The following LRRC8C variants were observed in gnomAD, a reference collection of about 807,000 sequenced individuals.
The protein encoded by LRRC8C is volume-regulated anion channel subunit LRRC8C.
LRRC8C carries 20 observed loss-of-function variants against 55.3 expected under a neutral mutation model. The ratio of observed to expected loss-of-function variants is 0.36; its 90% confidence interval spans 0.25 to 0.53. The LOEUF (loss-of-function observed/expected upper bound fraction) is 0.53. Ranked by LOEUF, LRRC8C falls within the 20% of genes least tolerant of loss-of-function variation. LRRC8C has a pLI of 0.92. For synonymous variants in LRRC8C, 376 were observed against 360.7 expected, an observed-to-expected ratio of 1.04 and a Z score of -0.48; for missense variants, 659 against 951.4, an observed-to-expected ratio of 0.69 and a Z score of 4.04.
intron 1 of LRRC8C, among the ~76,000 whole-genome samples, chr1:89,654,779 G>T (rs1656893394): frequency 6.6e-6 from 1 of 151,538 alleles, no homozygotes; most frequent in Non-Finnish European, 1.5e-5. Context: ...TCTATTTGCT[G>T]CCTCCTCCAA....
chr1:89,625,974 T>C, the LRRC8C span, among the ~76,000 whole-genome samples: 26 of 152,234 alleles, frequency 1.7e-4, no homozygotes, highest in Admixed American at 1.7e-3. Flanking sequence ...CTTTAGGAGA[T>C]ATTATTAATG....
chr1:89,695,329 T>G (rs1658145211), intron 2 of LRRC8C, among the ~76,000 whole-genome samples: 1 of 152,198 alleles, frequency 6.6e-6, no homozygotes. Flanking sequence ...AGTAATAGGG[T>G]CAGCTATCTT....
intron 2 of LRRC8C, chr1:89,706,275 TC>T (rs1402331940): frequency 4.4e-6 from 2 of 455,838 alleles, no homozygotes; most frequent in Admixed American, 4.7e-5. Context: ...TAAGCTGCCT[TC>T]GTTTATATGT....
rs1658877523 is a variant in LRRC8C at position 89,718,192 on chromosome 1, C to T, written c.*3210C>T. ...TCAAGTGTAAGTTATTCTTCACCCA[C>T]CCCTTCCCCTGCCATTGTATTTCCC... On this transcript the variant is annotated 3_prime_UTR_variant, in exon 3 of 3. Transcript: ENST00000370454. 6.6e-6 allele frequency: 1 copy of T among 152,182 alleles called. No homozygotes were observed. The highest frequency in any genetic ancestry group is 1.5e-5 in the Non-Finnish European group (1 of 68,016). The allele number at this position is 152,182 out of a possible 1,614,324, so 9.4% of individuals were successfully genotyped here.
chr1:89,640,647 C>T (rs977787680), intron 1 of LRRC8C, among the ~76,000 whole-genome samples: 1 of 152,178 alleles, frequency 6.6e-6, no homozygotes. Context: ...GTCCAGCACA[C>T]ATAACTTTCT....
In LRRC8C at chr1:89,713,716, T is replaced by A; in HGVS notation, c.1146T>A (p.Pro382=). Residue 382 remains proline (P), a synonymous_variant, in exon 3 of 3, where the codon CCT becomes CCA. Coordinates refer to ENST00000370454, the MANE Select transcript of LRRC8C (RefSeq NM_032270.5). The surrounding 1 kb of genome is among the most constrained non-coding windows in gnomAD (Gnocchi z 5.2). Reference sequence around the variant, plus strand: ...TTCATATGATAGATCAGTATGACCCTCTCTATTCCAAGAGATTTGCAGTGT... The same window carrying A: ...TTCATATGATAGATCAGTATGACCCACTCTATTCCAAGAGATTTGCAGTGT... ...FMLHMIDQYD[P]LYSKRFAVFL... 6.2e-7 allele frequency: 1 copy of A among 1,614,196 alleles called. No individual in the cohort carries two copies. Among genetic ancestry groups the A allele is most frequent in the South Asian group, 1.1e-5 (1 of 91,076 alleles).
chr1:89,625,081 A>C, the LRRC8C span: 1 of 152,230 alleles, frequency 6.6e-6, no homozygotes, highest in African/African-American at 2.4e-5. Context: ...TACTTCGGGA[A>C]GATACTGGCT....
chr1:89,670,732 CA>C (rs139800053), intron 1 of LRRC8C, among the ~76,000 whole-genome samples: 1,603 of 152,246 alleles, frequency 0.011, 44 homozygotes, highest in African/African-American at 0.037. Context: ...AGGAATTTAT[CA>C]AAAAAACTAT....
chr1:89,705,756 G>A (rs1658463551), intron 2 of LRRC8C, among the ~76,000 whole-genome samples: 1 of 152,054 alleles, frequency 6.6e-6, no homozygotes, highest in Non-Finnish European at 1.5e-5. Context: ...CCCCAGCCTG[G>A]CAACAGAGCA....
rs534383763 is a variant in LRRC8C at position 89,716,329 on chromosome 1, G to T, written c.*1347G>T. ...TCCCCATGATACCGAGGGATGACTG[G>T]ATATTAATCGATTTCCCTCAAGCCT... On this transcript the variant is annotated 3_prime_UTR_variant, in exon 3 of 3. Coordinates refer to ENST00000370454, the MANE Select transcript of LRRC8C (RefSeq NM_032270.5). The T allele has an allele frequency of 7.9e-4, 120 of 152,286 alleles. No homozygotes were observed. Among genetic ancestry groups the T allele is most frequent in the African/African-American group, 2.8e-3 (115 of 41,576 alleles). 9.4% of individuals were successfully genotyped at this position (152,286 alleles called of 1,614,324 possible).
At chr1:89,638,764 A>G (rs914019203) in intron 1 of LRRC8C, among the ~76,000 whole-genome samples, 2 of 152,014 alleles carry the variant, frequency 1.3e-5, no homozygotes, top group Non-Finnish European at 2.9e-5. Flanking sequence ...TTGTCTCTCA[A>G]AAGCCTCCCC....
chr1:89,658,872 A>G (rs1323394487), intron 1 of LRRC8C, among the ~76,000 whole-genome samples: 1 of 152,160 alleles, frequency 6.6e-6, no homozygotes, highest in African/African-American at 2.4e-5. Context: ...GAGGCTATAG[A>G]GCTAAAAGAT....
At chr1:89,699,431 G>A (rs1658261448) in intron 2 of LRRC8C, among the ~76,000 whole-genome samples, 1 of 152,224 alleles carries the variant, frequency 6.6e-6, no homozygotes, top group Non-Finnish European at 1.5e-5. Flanking sequence ...GTACCACTGT[G>A]GTTGAGCTTG....
chr1:89,625,749 C>T, the LRRC8C span, among the ~76,000 whole-genome samples: 2 of 152,168 alleles, frequency 1.3e-5, no homozygotes, highest in Non-Finnish European at 2.9e-5. Context: ...GATCTTCATG[C>T]CTCAAAGAGA....
chr1:89,643,559 A>C (rs1304314950), intron 1 of LRRC8C, among the ~76,000 whole-genome samples: 1 of 152,258 alleles, frequency 6.6e-6, no homozygotes, highest in Non-Finnish European at 1.5e-5. Flanking sequence ...ATATACAAAA[A>C]GTTGTGTTGC....
At chr1:89,704,850 T>C (rs1264868094) in intron 2 of LRRC8C, among the ~76,000 whole-genome samples, 1 of 152,116 alleles carries the variant, frequency 6.6e-6, no homozygotes, top group Non-Finnish European at 1.5e-5. Flanking sequence ...TCAACCATTG[T>C]GGAAGTCAGT....
chr1:89,712,647 G>A, intron 2 of LRRC8C, 62 bp from the exon 3 acceptor site: 2 of 1,221,570 alleles, frequency 1.6e-6, no homozygotes, highest in East Asian at 2.4e-5. Flanking sequence ...TTTCTTTGCA[G>A]TAATGACATT....
intron 1 of LRRC8C, among the ~76,000 whole-genome samples, chr1:89,636,255 T>A (rs1023188827): frequency 6.6e-6 from 1 of 152,210 alleles, no homozygotes; most frequent in African/African-American, 2.4e-5. Context: ...CACCAGTGTA[T>A]CCTAGCACTG....
chr1:89,674,789 T>C (rs574333195), intron 1 of LRRC8C, among the ~76,000 whole-genome samples: 1 of 152,330 alleles, frequency 6.6e-6, no homozygotes, highest in Non-Finnish European at 1.5e-5. Context: ...TCCCTGATTC[T>C]AGATGGTACA....
Sources: allele counts gnomAD v4.1 joint callset (sites outside exome capture counted in the v4.1 genomes callset), GRCh38; gene constraint gnomAD v4.1.1; non-coding constraint Gnocchi (gnomAD v3.1); transcripts MANE v1.5; gene names NCBI Gene and HGNC (gene_info 2026-07-23, HGNC 2026-07-21).